The following UBAP2L variants were observed in gnomAD, a reference collection of about 807,000 sequenced individuals.
The protein encoded by UBAP2L is ubiquitin-associated protein 2-like.
A neutral mutation model predicts 130.6 loss-of-function variants in UBAP2L; 12 were observed. That is an observed-to-expected ratio of 0.09 (90% CI 0.06 to 0.15). The LOEUF is 0.15. Ranked by LOEUF, UBAP2L falls within the 10% of genes least tolerant of loss-of-function variation. The pLI is 1.00. For missense variants in UBAP2L, 965 were observed against 1,332.5 expected, an observed-to-expected ratio of 0.72 and a Z score of 4.29; for synonymous variants, 503 against 524.7, an observed-to-expected ratio of 0.96 and a Z score of 0.57.
At chr1:154,263,050 AAAGGGCTTTTGT>A in intron 24 of UBAP2L, 1 of 1,539,310 alleles carries the variant, frequency 6.5e-7, no homozygotes, top group Non-Finnish European at 8.8e-7. Context: ...CCAACCCCAC[AAAGGGCTTTTGT>A]CATTCCATTC....
chr1:154,247,414 A>G (rs2148827585), intron 11 of UBAP2L, among the ~76,000 whole-genome samples: 1 of 152,292 alleles, frequency 6.6e-6, no homozygotes, highest in South Asian at 2.1e-4. Flanking sequence ...AAATAGGACA[A>G]AGGTTGTAAG....
intron 1 of UBAP2L, among the ~76,000 whole-genome samples, chr1:154,223,061 A>G (rs1470745096): frequency 6.6e-6 from 1 of 152,208 alleles, no homozygotes; most frequent in Non-Finnish European, 1.5e-5. Flanking sequence ...TGTGCCCTCA[A>G]GTGATCCATT....
chr1:154,250,334 G>A (rs1046263354), intron 12 of UBAP2L, among the ~76,000 whole-genome samples: 5 of 145,464 alleles, frequency 3.4e-5, no homozygotes, highest in Admixed American at 2.2e-4. Context: ...TTGCAGGCGT[G>A]AGCCATTGCA....
chr1:154,243,359 T>G, intron 10 of UBAP2L, 57 bp downstream of exon 10: 1 of 1,521,524 alleles, frequency 6.6e-7, no homozygotes, highest in Non-Finnish European at 9.1e-7. Flanking sequence ...GAGATTACTG[T>G]AAAGAGAAGT....
Position 154,255,201 on chromosome 1 carries a change from C to G in UBAP2L, c.1959C>G (p.Ile653Met), listed in dbSNP as rs766498597. The change falls in exon 17 of 27, where the codon ATC becomes ATG. Residue 653 changes from isoleucine to methionine, a missense_variant. Physicochemically the swap from Ile to Met is conservative, Grantham distance 10. Transcript: ENST00000428931. ...VKSDSPSTSS[I>M]PPLNETVSAA... The stretch of plus-strand genomic sequence containing the variant: ...CTGATTCACCTTCCACTTCTAGCAT[C>G]CCCCCTCTCAATGAAACGGTATCTG... 6.2e-7 allele frequency: 1 copy of G among 1,614,080 alleles called. No individual in the cohort carries two copies. Among genetic ancestry groups the G allele is most frequent in the African/African-American group, 1.3e-5 (1 of 75,030 alleles).
In UBAP2L at chr1:154,227,241, G is replaced by A. The variant is rs1668259754; in HGVS notation, c.91-41G>A. ...ATAGGTTCCTGTTCTCTAAACTGTT[G>A]CCTCATGATTATGCTTTCTTGATCT... On this transcript the variant is annotated intron_variant, in intron 2 of 26. Transcript: ENST00000428931. 2.6e-6 allele frequency: 4 copies of A among 1,558,400 alleles called. No homozygotes were observed. The African/African-American group carries it at 4.1e-5, about 16-fold the overall frequency.
chr1:154,266,634 T>G, intron 25 of UBAP2L, 66 bp downstream of exon 25: 2 of 1,531,774 alleles, frequency 1.3e-6, no homozygotes, highest in Non-Finnish European at 1.8e-6. Context: ...GTTGCAATGG[T>G]AGAAATAACA....
At chr1:154,227,071 C>T (rs906640886) in intron 2 of UBAP2L, among the ~76,000 whole-genome samples, 8 of 152,226 alleles carry the variant, frequency 5.3e-5, no homozygotes, top group Admixed American at 2.0e-4. Flanking sequence ...GATCTGTCTG[C>T]CTTGGGCTCC....
Position 154,224,985 on chromosome 1 carries a change from T to G in UBAP2L, c.-40-99T>G, listed in dbSNP as rs1456356450. ...AAATGAATCTTATTGATTTGTTCCT[T>G]TGAAGAAGTGAAAGTGTTTGGTGGT... On this transcript the variant is annotated intron_variant, in intron 1 of 26. Transcript: ENST00000428931. 5.8e-6 allele frequency: 4 copies of G among 685,116 alleles called. No individual in the cohort carries two copies. In the African/African-American group the frequency reaches 7.2e-5, roughly 12 times the overall value. 42.4% of individuals were successfully genotyped at this position (685,116 alleles called of 1,614,324 possible). A position where few individuals can be genotyped will look rare whatever the true frequency, so the allele number is the denominator to read the frequency against.
chr1:154,234,614 G>A lies in UBAP2L; in HGVS notation c.303G>A (p.Lys101=). 2 of 1,614,094 alleles carry A rather than the reference G, an allele frequency of 1.2e-6. No homozygotes were observed. The highest frequency in any genetic ancestry group is 1.7e-6 in the Non-Finnish European group (2 of 1,180,006). Residue 101 remains lysine, a synonymous_variant, in exon 5 of 27, where the codon AAG becomes AAA. Transcript: ENST00000428931. ...AGCATTCCTGGGAGATGGTCGGGAAGAAGAAGGGAGTCTCAGGCCAGAAGG... is the reference window on the plus strand; with the variant it reads ...AGCATTCCTGGGAGATGGTCGGGAAAAAGAAGGGAGTCTCAGGCCAGAAGG... ...PDTHSWEMVG[K]KKGVSGQKDG...
intron 11 of UBAP2L, among the ~76,000 whole-genome samples, chr1:154,246,725 A>G (rs889910493): frequency 4.6e-5 from 7 of 152,192 alleles, no homozygotes; most frequent in Non-Finnish European, 1.0e-4. Flanking sequence ...ATGATGGGAG[A>G]TTGTAGCAGT....
chr1:154,239,356 C>G (rs191880579), intron 8 of UBAP2L, among the ~76,000 whole-genome samples: 1 of 152,116 alleles, frequency 6.6e-6, no homozygotes, highest in Non-Finnish European at 1.5e-5. Context: ...CCTAACTGCC[C>G]CAGATATTTT....
chr1:154,223,280 T>C (rs1051189095), intron 1 of UBAP2L, among the ~76,000 whole-genome samples: 3 of 152,234 alleles, frequency 2.0e-5, no homozygotes, highest in Non-Finnish European at 2.9e-5. Context: ...CAATAGTGTA[T>C]AGCTAGTCAT....
chr1:154,253,510 T>G (rs1005295166), intron 14 of UBAP2L, among the ~76,000 whole-genome samples: 2 of 151,496 alleles, frequency 1.3e-5, no homozygotes, highest in Non-Finnish European at 2.9e-5. Context: ...TACTCCCAAG[T>G]AGCTGGGACT....
chr1:154,236,535 C>T, intron 6 of UBAP2L, 31 bp from the exon 7 acceptor site: 2 of 1,613,006 alleles, frequency 1.2e-6, no homozygotes, highest in Non-Finnish European at 1.7e-6. Context: ...TAAAATACAT[C>T]TCTCTTCTCT....
chr1:154,245,306 T>G (rs961657037), intron 10 of UBAP2L, among the ~76,000 whole-genome samples: 7 of 152,126 alleles, frequency 4.6e-5, no homozygotes, highest in African/African-American at 1.7e-4. Context: ...CATTCAGGTA[T>G]GGTTGAAAGA....
chr1:154,247,547 C>T (rs955299950), intron 11 of UBAP2L, among the ~76,000 whole-genome samples: 6 of 152,224 alleles, frequency 3.9e-5, no homozygotes, highest in African/African-American at 9.6e-5. Flanking sequence ...AAATTTACAA[C>T]GAAATCAGAC....
In UBAP2L at chr1:154,255,208, C is replaced by T. The variant is rs936855494; in HGVS notation, c.1966C>T (p.Leu656Phe). 5 of 1,614,086 alleles carry T rather than the reference C, an allele frequency of 3.1e-6. No individual in the cohort carries two copies. The highest frequency in any genetic ancestry group is 4.2e-6 in the Non-Finnish European group (5 of 1,180,038). The change falls in exon 17 of 27, where the codon CTC (leucine) becomes TTC (phenylalanine). Residue 656 changes from leucine to phenylalanine, a missense_variant. Around this residue, in one of 9 missense-constraint regions of UBAP2L, gnomAD observed 393 missense variants for 408.1 expected, o/e 0.96. Transcript: ENST00000428931. ...DSPSTSSIPP[L>F]NETVSAASLL... is the part of the protein sequence containing the mutation. Reference sequence around the variant, plus strand: ...ACCTTCCACTTCTAGCATCCCCCCTCTCAATGAAACGGTATCTGCAGCTTC... The same window carrying T: ...ACCTTCCACTTCTAGCATCCCCCCTTTCAATGAAACGGTATCTGCAGCTTC...
rs370079591 is a variant in UBAP2L at position 154,268,746 on chromosome 1, C to T, written c.2971-11C>T. ...CCCTTTTACTCTGTCTCCTCCTGGCCTCCTGGATAGCAGTCCTTTGAGAAA... is the reference window on the plus strand; with the variant it reads ...CCCTTTTACTCTGTCTCCTCCTGGCTTCCTGGATAGCAGTCCTTTGAGAAA... On this transcript the variant is annotated splice_polypyrimidine_tract_variant and intron_variant, in intron 25 of 26. Transcript: ENST00000428931. The T allele has an allele frequency of 3.1e-5, 50 of 1,613,736 alleles. No homozygotes were observed. In the African/African-American group the frequency reaches 6.1e-4, roughly 20 times the overall value.
Sources: gnomAD v4.1 joint callset for allele counts (sites outside exome capture counted in the v4.1 genomes callset) on GRCh38, gnomAD v4.1.1 for gene constraint, gnomAD v4.1.1 regional missense constraint, MANE v1.5 for transcripts, NCBI Gene and HGNC (gene_info 2026-07-23, HGNC 2026-07-21) for gene names.